CHODL: variants seen among roughly 807,000 people sequenced by gnomAD.
CHODL encodes transmembrane protein MT75.
A neutral mutation model predicts 34.5 loss-of-function variants in CHODL; 29 were observed. The ratio of observed to expected loss-of-function variants is 0.84; its 90% CI spans 0.63 to 1.15. The LOEUF is 1.15. Among genes scored for constraint, CHODL ranks in the 50% most tolerant of loss-of-function variants. CHODL has a pLI of 0.00. For synonymous variants in CHODL, 125 were observed against 116.1 expected (o/e 1.08, Z -0.49); for missense variants, 332 against 332.5 (o/e 1.00, Z 0.01).
chr21:17,938,599 C>G (rs2063337994), intron 1 of CHODL, among the ~76,000 whole-genome samples: 1 of 151,046 alleles, frequency 6.6e-6, no homozygotes, highest in Non-Finnish European at 1.5e-5. Flanking sequence ...CTGCCTCAGC[C>G]TCCTGAGTAG....
intron 2 of CHODL, among the ~76,000 whole-genome samples, chr21:18,104,337 G>C (rs749498699): frequency 4.6e-5 from 7 of 152,092 alleles, no homozygotes; most frequent in Non-Finnish European, 1.0e-4. Flanking sequence ...TTTATAAGGG[G>C]CCCTTCCCCC....
At chr21:18,010,116 T>TA (rs2064000405) in intron 1 of CHODL, among the ~76,000 whole-genome samples, 1 of 5,404 alleles carries the variant, frequency 1.9e-4, no homozygotes, top group Non-Finnish European at 3.9e-4. Context: ...TCTACTAAAA[T>TA]ACAAAAAAAA....
chr21:18,059,161 C>T (rs921395700), intron 2 of CHODL, among the ~76,000 whole-genome samples: 3 of 152,034 alleles, frequency 2.0e-5, no homozygotes, highest in Admixed American at 1.3e-4. Flanking sequence ...GAAGTGACAC[C>T]GGAAAGCTGT....
intron 2 of CHODL, among the ~76,000 whole-genome samples, chr21:18,112,723 T>G (rs2065366276): frequency 6.6e-6 from 1 of 152,140 alleles, no homozygotes; most frequent in Non-Finnish European, 1.5e-5. Context: ...GGCAAAAGAA[T>G]TAAACTAGAC....
chr21:18,260,234 T>C lies in CHODL; in HGVS notation c.582T>C (p.Tyr194=), dbSNP rs777373310. ...CAACAGCCCCTGTAGAAAAGCCTTA[T>C]CTTACAAATCAACCAGGAGACACCC... is the stretch of plus-strand genomic sequence containing the variant. ...INPTAPVEKP[Y]LTNQPGDTHQ... Residue 194 remains tyrosine, a synonymous_variant, in exon 4 of 6, where the codon TAT becomes TAC. Coordinates refer to ENST00000299295, the MANE Select transcript of CHODL (RefSeq NM_024944.3). The C allele has an allele frequency of 1.3e-6, 2 of 1,582,056 alleles. No homozygotes were observed. Among genetic ancestry groups the C allele is most frequent in the South Asian group, 1.2e-5 (1 of 84,644 alleles).
chr21:18,014,416 T>C (rs2064051252), intron 1 of CHODL, among the ~76,000 whole-genome samples: 1 of 152,286 alleles, frequency 6.6e-6, no homozygotes, highest in East Asian at 1.9e-4. Context: ...TTATAAGTGG[T>C]AGCTAAATAT....
chr21:18,161,268 C>T (rs1483253767), intron 2 of CHODL, among the ~76,000 whole-genome samples: 11 of 152,132 alleles, frequency 7.2e-5, no homozygotes, highest in Admixed American at 3.9e-4. Flanking sequence ...TTTTGTAAAA[C>T]GTGAACACTA....
intron 2 of CHODL, among the ~76,000 whole-genome samples, chr21:18,114,313 T>C (rs1239718093): frequency 2.0e-5 from 3 of 152,188 alleles, no homozygotes; most frequent in Admixed American, 2.0e-4. Context: ...ACTCAAAGAA[T>C]AAATGCTTGA....
At chr21:17,975,209 A>G (rs1048223773) in intron 1 of CHODL, among the ~76,000 whole-genome samples, 1 of 152,112 alleles carries the variant, frequency 6.6e-6, no homozygotes, top group Admixed American at 6.6e-5. Flanking sequence ...AAGCAAACTA[A>G]CATAGGAACA....
In CHODL at chr21:18,174,131, A is replaced by ATATATATATATATATATATCTTGG. The variant is rs2073268379; in HGVS notation, c.-44-82359_-44-82358insCTTGGTATATATATATATATATAT. ...TATATATATATCTTGGTGTATATAT[A>ATATATATATATATATATATCTTGG]TATATATATATATATATATATATAT... On this transcript the variant is annotated intron_variant, in intron 2 of 6. Coordinates refer to the CHODL transcript ENST00000400127. Among the ~76,000 whole-genome samples, 8 of 13,354 alleles carry ATATATATATATATATATATCTTGG rather than the reference A, an allele frequency of 6.0e-4. 1 individual carries two copies. The highest frequency in any genetic ancestry group is 2.8e-3 in the Non-Finnish European group (4 of 1,436). The allele number at this position is 13,354 out of a possible 152,430, so 8.8% of individuals were successfully genotyped here.
At chr21:18,166,093 T>C (rs1317744169) in intron 2 of CHODL, among the ~76,000 whole-genome samples, 2 of 152,196 alleles carry the variant, frequency 1.3e-5, no homozygotes, top group African/African-American at 2.4e-5. Context: ...TTTCTGGAGA[T>C]AGGAGTCCTT....
chr21:18,254,693 A>G (rs906897967), intron 1 of CHODL, among the ~76,000 whole-genome samples: 6 of 151,550 alleles, frequency 4.0e-5, no homozygotes, highest in Non-Finnish European at 7.4e-5. Flanking sequence ...CTTGACATCA[A>G]TCTATTTATA....
intron 2 of CHODL, among the ~76,000 whole-genome samples, chr21:18,122,828 C>T (rs1423648221): frequency 1.3e-5 from 2 of 152,022 alleles, no homozygotes; most frequent in South Asian, 4.1e-4. Flanking sequence ...CTAGTTTGTC[C>T]GTCAGTTTAA....
At chr21:17,986,637 G>A (rs1303231742) in intron 1 of CHODL, among the ~76,000 whole-genome samples, 1 of 152,212 alleles carries the variant, frequency 6.6e-6, no homozygotes, top group East Asian at 1.9e-4. Context: ...GTGTGCATGT[G>A]TCTTTATCAC....
At chr21:18,062,608 A>G (rs1050925311) in intron 2 of CHODL, among the ~76,000 whole-genome samples, 1 of 152,076 alleles carries the variant, frequency 6.6e-6, no homozygotes, top group African/African-American at 2.4e-5. Context: ...TCTACTAAAA[A>G]TATAAAAATT....
chr21:18,208,752 C>G (rs2073740760), intron 2 of CHODL, among the ~76,000 whole-genome samples: 1 of 152,118 alleles, frequency 6.6e-6, no homozygotes, highest in African/African-American at 2.4e-5. Flanking sequence ...CTTGCAGACT[C>G]AGAGGTACAA....
At chr21:17,973,417 CTT>C (rs3077803) in intron 1 of CHODL, among the ~76,000 whole-genome samples, 24,862 of 122,850 alleles carry the variant, frequency 0.2, 2,298 homozygotes, top group African/African-American at 0.35. Flanking sequence ...TTCTTTCTTT[CTT>C]TTTTTTTTTT....
chr21:18,048,040 G>A (rs9974672), intron 2 of CHODL, among the ~76,000 whole-genome samples: 2,883 of 151,958 alleles, frequency 0.019, 79 homozygotes, highest in Middle Eastern at 0.075. Context: ...GACTTGTCGA[G>A]CACCTACTAT....
intron 2 of CHODL, among the ~76,000 whole-genome samples, chr21:18,041,628 A>C (rs898551647): frequency 1.3e-5 from 2 of 151,940 alleles, no homozygotes; most frequent in African/African-American, 4.8e-5. Flanking sequence ...AGTAAAACCA[A>C]AATGATAGAA....
Sources: allele counts gnomAD v4.1 joint callset (sites outside exome capture counted in the v4.1 genomes callset), GRCh38; gene constraint gnomAD v4.1.1; transcripts MANE v1.5; gene names NCBI Gene and HGNC (gene_info 2026-07-23, HGNC 2026-07-21).